The following RBFOX1 variants were observed in gnomAD, a reference collection of about 807,000 sequenced individuals.
RBFOX1 encodes RNA binding fox-1 homolog 1, also known as RNA binding protein fox-1 homolog 1.
Under a neutral mutation model 57.7 loss-of-function variants are expected in RBFOX1, and 8 were observed. The observed-to-expected ratio is 0.14, with a 90% CI of 0.08 to 0.25. The LOEUF is 0.25. Among genes scored for constraint, RBFOX1 ranks in the 10% least tolerant of loss-of-function variants. The pLI, the probability that RBFOX1 is intolerant of heterozygous loss-of-function variation, is 1.00. For synonymous variants in RBFOX1, 326 were observed against 222.4 expected (o/e 1.47, Z -4.15); for missense variants, 611 against 548.5 (o/e 1.11, Z -1.14).
chr16:5,617,230 A>T (rs1328022136), intron 3 of RBFOX1, among the ~76,000 whole-genome samples: 1 of 152,134 alleles, frequency 6.6e-6, no homozygotes, highest in Non-Finnish European at 1.5e-5. Context: ...AATCTTTAGC[A>T]CATGGCATTC....
At chr16:5,708,276 A>C (rs377344817) in intron 3 of RBFOX1, among the ~76,000 whole-genome samples, 1 of 152,190 alleles carries the variant, frequency 6.6e-6, no homozygotes, top group Admixed American at 6.5e-5. Flanking sequence ...ATATGTATCA[A>C]GCAGATGAAG....
At position 6,196,909 on chromosome 16, in the gene RBFOX1, T is replaced by C. The variant is rs2097183495; in HGVS notation, c.-126-120086T>C. Among the ~76,000 whole-genome samples, 5 of 152,274 alleles carry C rather than the reference T, an allele frequency of 3.3e-5. No individual in the cohort carries two copies. The South Asian group carries it at 1.0e-3, about 32-fold the overall frequency. Reference sequence around the variant, plus strand: ...ATCTCTGTCCGCTGCCTACACTGGATTCCAGTAGCTGAAGTTGTGTAACAT... The same window carrying C: ...ATCTCTGTCCGCTGCCTACACTGGACTCCAGTAGCTGAAGTTGTGTAACAT... On this transcript the variant is annotated intron_variant, in intron 1 of 15. Transcript: ENST00000550418.
rs975787633 is a variant in RBFOX1 at position 5,622,018 on chromosome 16, A to G, written c.318+23057A>G. 9.2e-5 allele frequency among the ~76,000 whole-genome samples: 14 copies of G among 152,220 alleles called. No individual in the cohort carries two copies. The East Asian group carries it at 9.6e-4, about 10-fold the overall frequency. On this transcript the variant is annotated intron_variant, in intron 3 of 19. Transcript: ENST00000641259. Reference sequence around the variant, plus strand: ...CCACGTGTCAAAAGTAAACATGGCTATGGGGAAATGGAATTATCTGGGTTA... The same window carrying G: ...CCACGTGTCAAAAGTAAACATGGCTGTGGGGAAATGGAATTATCTGGGTTA...
intron 4 of RBFOX1, among the ~76,000 whole-genome samples, chr16:7,085,517 C>T (rs1355099029): frequency 6.6e-6 from 1 of 152,028 alleles, no homozygotes; most frequent in African/African-American, 2.4e-5. Context: ...CCACTGCATC[C>T]CGGGTGCCTC....
chr16:7,250,984 G>A (rs951667730), intron 4 of RBFOX1, among the ~76,000 whole-genome samples: 9 of 150,064 alleles, frequency 6.0e-5, no homozygotes, highest in East Asian at 5.8e-4. Context: ...TAATTAATAC[G>A]TGTATTATCT....
chr16:7,131,465 G>C (rs925985888), intron 4 of RBFOX1, among the ~76,000 whole-genome samples: 5 of 149,042 alleles, frequency 3.4e-5, no homozygotes, highest in Admixed American at 6.8e-5. Context: ...GCTCCGGTAG[G>C]TTTCATAATC....
chr16:5,461,551 G>A (rs1268433576), intron 1 of RBFOX1, among the ~76,000 whole-genome samples: 2 of 152,152 alleles, frequency 1.3e-5, no homozygotes, highest in Non-Finnish European at 2.9e-5. Context: ...AAAGCCTATT[G>A]GGACATTTTC....
intron 1 of RBFOX1, among the ~76,000 whole-genome samples, chr16:5,312,556 C>G (rs1227147513): frequency 1.3e-5 from 2 of 152,128 alleles, no homozygotes. Context: ...ACCTCATGAT[C>G]CACCTGCCTC....
chr16:7,601,923 T>G (rs2095045831), intron 9 of RBFOX1, among the ~76,000 whole-genome samples: 1 of 152,226 alleles, frequency 6.6e-6, no homozygotes, highest in African/African-American at 2.4e-5. Flanking sequence ...TTGTACCCAG[T>G]GCGAACCTCA....
intron 3 of RBFOX1, among the ~76,000 whole-genome samples, chr16:6,999,212 A>ATTTAT (rs2092559698): frequency 1.7e-5 from 2 of 117,692 alleles, no homozygotes; most frequent in Non-Finnish European, 1.9e-5. Flanking sequence ...TTTTATTTTT[A>ATTTAT]TTTATTTTTT....
chr16:7,012,300 T>G (rs1453874579), intron 3 of RBFOX1, among the ~76,000 whole-genome samples: 1 of 152,208 alleles, frequency 6.6e-6, no homozygotes, highest in Non-Finnish European at 1.5e-5. Context: ...AGACCAAATG[T>G]CTGGCAGGTG....
chr16:6,609,011 C>G (rs1466678301), intron 2 of RBFOX1, among the ~76,000 whole-genome samples: 3 of 152,202 alleles, frequency 2.0e-5, no homozygotes, highest in Non-Finnish European at 4.4e-5. Context: ...TCAGGTCACT[C>G]TGACCTGACC....
intron 2 of RBFOX1, among the ~76,000 whole-genome samples, chr16:6,388,224 C>T (rs978997982): frequency 3.3e-5 from 5 of 151,978 alleles, no homozygotes; most frequent in African/African-American, 1.2e-4. Flanking sequence ...CCTCGGCCTC[C>T]CAAAGTTCTG....
intron 3 of RBFOX1, among the ~76,000 whole-genome samples, chr16:6,842,108 A>T (rs967641516): frequency 7.9e-5 from 12 of 151,836 alleles, no homozygotes; most frequent in African/African-American, 2.7e-4. Context: ...GCGCCACTGC[A>T]CTCCAGCCTG....
At chr16:6,603,169 G>C (rs1279650720) in intron 2 of RBFOX1, among the ~76,000 whole-genome samples, 2 of 152,192 alleles carry the variant, frequency 1.3e-5, no homozygotes, top group East Asian at 1.9e-4. Flanking sequence ...AGAAAGATCT[G>C]AATGGCAGCA....
chr16:7,458,815 T>A lies in RBFOX1; in HGVS notation c.28-59332T>A, dbSNP rs148348275. On this transcript the variant is annotated intron_variant, in intron 4 of 15. Transcript: ENST00000550418. ...TCCCACACACCCTGTGTTCCTTTCC[T>A]AGCTGACTTTTGCCATATTGCTTAT... Among the ~76,000 whole-genome samples, 256 of 152,334 alleles carry A rather than the reference T, an allele frequency of 1.7e-3. 1 individual carries two copies. The highest frequency in any genetic ancestry group is 5.7e-3 in the African/African-American group (238 of 41,582).
At chr16:5,988,510 G>T (rs1156463862) in intron 4 of RBFOX1, among the ~76,000 whole-genome samples, 2 of 152,146 alleles carry the variant, frequency 1.3e-5, no homozygotes, top group African/African-American at 4.8e-5. Flanking sequence ...TAAGTTCCCA[G>T]AGGAAGGAGG....
chr16:7,261,449 T>A (rs1251538323), intron 4 of RBFOX1, among the ~76,000 whole-genome samples: 1 of 152,156 alleles, frequency 6.6e-6, no homozygotes, highest in African/African-American at 2.4e-5. Context: ...AAAAGTTGGA[T>A]GCTTGTTGAG....
chr16:7,598,208 A>C (rs886215448), intron 9 of RBFOX1, among the ~76,000 whole-genome samples: 2 of 152,328 alleles, frequency 1.3e-5, no homozygotes, highest in African/African-American at 2.4e-5. Context: ...CAATGCAGTA[A>C]GTTAAAGTAT....
Sources: gnomAD v4.1 joint callset for allele counts (sites outside exome capture counted in the v4.1 genomes callset) on GRCh38, gnomAD v4.1.1 for gene constraint, MANE v1.5 for transcripts, NCBI Gene and HGNC (gene_info 2026-07-23, HGNC 2026-07-21) for gene names.